Variants in ERC1 observed in about 807,000 individuals in gnomAD.
ERC1 encodes the protein ELKS/RAB6-interacting/CAST family member 1.
A neutral mutation model predicts 132.0 loss-of-function variants in ERC1; 56 were observed. That is an observed-to-expected ratio of 0.42 (90% CI 0.34 to 0.53). The LOEUF (loss-of-function observed/expected upper bound fraction) is 0.53, where lower values mean the gene tolerates loss of function less well. ERC1 is among the 20% of genes least tolerant of loss of function. The pLI, the probability that ERC1 is intolerant of heterozygous loss-of-function variation, is 0.03. For synonymous variants in ERC1, 478 were observed against 476.1 expected, an observed-to-expected ratio of 1.00 and a Z score of -0.05; for missense variants, 1,202 against 1,349.9, an observed-to-expected ratio of 0.89 and a Z score of 1.72.
chr12:1,437,497 T>C (rs1250068336), intron 17 of ERC1, among the ~76,000 whole-genome samples: 1 of 152,258 alleles, frequency 6.6e-6, no homozygotes, highest in Non-Finnish European at 1.5e-5. Flanking sequence ...CAGCCAGAGA[T>C]GTCCTTCCCT....
At chr12:1,320,995 C>G (rs2082081510) in intron 15 of ERC1, among the ~76,000 whole-genome samples, 1 of 152,218 alleles carries the variant, frequency 6.6e-6, no homozygotes, top group Admixed American at 6.5e-5. Flanking sequence ...GCCACCACTC[C>G]CAGCCTCTAG....
chr12:1,269,896 GA>G (rs1459966708), intron 14 of ERC1, among the ~76,000 whole-genome samples: 1 of 152,154 alleles, frequency 6.6e-6, no homozygotes, highest in African/African-American at 2.4e-5. Context: ...CCTCAGAGGT[GA>G]AAAAACTTTG....
rs73595949 is a variant in ERC1, at chr12:1,278,881, C to T, written c.2620-10971C>T. Reference sequence around the variant, plus strand: ...AACATGAACTCTTTCTTTTAGAATACGGATAGCCCTAAAAGATGGAGTAAT... The same window carrying T: ...AACATGAACTCTTTCTTTTAGAATATGGATAGCCCTAAAAGATGGAGTAAT... On this transcript the variant is annotated intron_variant, in intron 14 of 18. Coordinates refer to ENST00000360905, the MANE Select transcript of ERC1 (RefSeq NM_178040.4). Among the ~76,000 whole-genome samples the T allele has an allele frequency of 3.6e-3, 548 of 151,910 alleles. 4 individuals carry two copies. Among genetic ancestry groups the T allele is most frequent in the African/African-American group, 0.013 (530 of 41,434 alleles).
chr12:1,285,072 T>G (rs2078954717), intron 14 of ERC1, among the ~76,000 whole-genome samples: 1 of 152,248 alleles, frequency 6.6e-6, no homozygotes, highest in Non-Finnish European at 1.5e-5. Flanking sequence ...TTTTTTTTTG[T>G]TTGCTTTGGA....
chr12:1,196,104 T>C (rs1226663269), intron 12 of ERC1, among the ~76,000 whole-genome samples: 2 of 152,150 alleles, frequency 1.3e-5, no homozygotes, highest in Non-Finnish European at 2.9e-5. Flanking sequence ...CTGATTTTGG[T>C]TCTTTTAAAA....
At chr12:1,360,765 A>T (rs973008582) in intron 15 of ERC1, among the ~76,000 whole-genome samples, 1 of 152,172 alleles carries the variant, frequency 6.6e-6, no homozygotes. Flanking sequence ...AAGCAGCTAG[A>T]TAACTTTTGC....
chr12:1,023,088 A>T (rs922858645), intron 1 of ERC1, among the ~76,000 whole-genome samples: 2 of 152,142 alleles, frequency 1.3e-5, no homozygotes, highest in Non-Finnish European at 2.9e-5. Flanking sequence ...TTTATAAATT[A>T]CCCAGTCTTA....
chr12:1,238,808 T>C (rs1203334435), intron 13 of ERC1, among the ~76,000 whole-genome samples: 1 of 152,156 alleles, frequency 6.6e-6, no homozygotes, highest in African/African-American at 2.4e-5. Flanking sequence ...TGCTTTCATA[T>C]GTAATCTCTT....
At chr12:1,469,580 G>T (rs1207676139) in intron 18 of ERC1, among the ~76,000 whole-genome samples, 1 of 152,330 alleles carries the variant, frequency 6.6e-6, no homozygotes, top group Middle Eastern at 3.4e-3. Flanking sequence ...GGGTCCTGGA[G>T]CTCCGTGGCT....
chr12:1,288,075 A>G (rs2079158391), intron 14 of ERC1, among the ~76,000 whole-genome samples: 1 of 152,244 alleles, frequency 6.6e-6, no homozygotes, highest in Non-Finnish European at 1.5e-5. Flanking sequence ...TTGAACCTGT[A>G]GATCAGTATA....
chr12:1,018,304 C>A (rs188047787), intron 1 of ERC1, among the ~76,000 whole-genome samples: 1 of 152,260 alleles, frequency 6.6e-6, no homozygotes, highest in East Asian at 1.9e-4. Flanking sequence ...CGGCTTCAAG[C>A]GATTCTCCAA....
chr12:1,390,345 A>T (rs1298810798), intron 16 of ERC1, among the ~76,000 whole-genome samples: 2 of 152,218 alleles, frequency 1.3e-5, no homozygotes, highest in African/African-American at 2.4e-5. Flanking sequence ...ATAAATTAAA[A>T]TTTTAAAAAA....
intron 8 of ERC1, among the ~76,000 whole-genome samples, chr12:1,163,276 G>T (rs991441314): frequency 6.6e-6 from 1 of 151,914 alleles, no homozygotes; most frequent in Non-Finnish European, 1.5e-5. Context: ...TTTTTACCTT[G>T]TTATAGTGTA....
At chr12:1,236,562 C>T (rs1224644122) in intron 12 of ERC1, among the ~76,000 whole-genome samples, 1 of 152,100 alleles carries the variant, frequency 6.6e-6, no homozygotes, top group Non-Finnish European at 1.5e-5. Flanking sequence ...TGCTGAAATA[C>T]ATGTTCTTTA....
rs75088380 is a variant in ERC1, at chr12:1,239,137, G to A, written c.2487+2233G>A. On this transcript the variant is annotated intron_variant, in intron 13 of 18. Coordinates refer to ENST00000360905, the MANE Select transcript of ERC1 (RefSeq NM_178040.4). ...TATTTATTTACTTATTTGACAGACA[G>A]TCTTACTCTGTCACCTAGGCCGGAG... Among the ~76,000 whole-genome samples, 251 of 152,326 alleles carry A rather than the reference G, an allele frequency of 1.6e-3. 1 individual carries two copies. The highest frequency in any genetic ancestry group is 6.8e-3 in the Middle Eastern group (2 of 294).
intron 12 of ERC1, among the ~76,000 whole-genome samples, chr12:1,196,927 C>CT (rs1466647856): frequency 5.3e-5 from 2 of 38,026 alleles, no homozygotes; most frequent in African/African-American, 6.0e-4. Flanking sequence ...CACACACACA[C>CT]ACACACACAC....
intron 5 of ERC1, among the ~76,000 whole-genome samples, chr12:1,110,957 A>G (rs754509255): frequency 6.6e-6 from 1 of 152,036 alleles, no homozygotes; most frequent in Non-Finnish European, 1.5e-5. Flanking sequence ...ACCCACTTCA[A>G]TCTCCCAAAG....
chr12:1,320,743 C>T (rs948519665), intron 15 of ERC1, among the ~76,000 whole-genome samples: 2 of 152,080 alleles, frequency 1.3e-5, no homozygotes, highest in African/African-American at 4.8e-5. Flanking sequence ...ACTCTGTCGC[C>T]CAGGCTGGAG....
At chr12:1,175,865 G>A (rs1299166853) in intron 8 of ERC1, among the ~76,000 whole-genome samples, 1 of 152,148 alleles carries the variant, frequency 6.6e-6, no homozygotes, top group African/African-American at 2.4e-5. Flanking sequence ...TGAAGTTGCA[G>A]CAGTTCAGTC....
Sources: gnomAD v4.1 joint callset for allele counts (sites outside exome capture counted in the v4.1 genomes callset) on GRCh38, gnomAD v4.1.1 for gene constraint, MANE v1.5 for transcripts, NCBI Gene and HGNC (gene_info 2026-07-23, HGNC 2026-07-21) for gene names.